ADAM11: variants seen among roughly 807,000 people sequenced by gnomAD.
The protein encoded by ADAM11 is disintegrin and metalloproteinase domain-containing protein 11.
Under a neutral mutation model 119.1 loss-of-function variants are expected in ADAM11, and 49 were observed. That is an observed-to-expected ratio of 0.41 (90% CI 0.33 to 0.52). The LOEUF (loss-of-function observed/expected upper bound fraction) is 0.52. Ranked by LOEUF, ADAM11 falls within the 20% of genes least tolerant of loss-of-function variation. The pLI is 0.20. For missense variants in ADAM11, 777 were observed against 1,047.5 expected (o/e 0.74, Z 3.56); for synonymous variants, 364 against 408.0 (o/e 0.89, Z 1.30).
In ADAM11 at chr17:44,775,943, C is replaced by A. The variant is rs2049595137; in HGVS notation, c.1486-184C>A. 6.6e-6 allele frequency among the ~76,000 whole-genome samples: 1 copy of A among 151,698 alleles called. No individual in the cohort carries two copies. The highest frequency in any genetic ancestry group is 2.1e-4 in the South Asian group (1 of 4,804). On this transcript the variant is annotated intron_variant, in intron 17 of 26. Transcript: ENST00000200557. This position sits in a 1 kb window ranked among gnomAD's most constrained non-coding sequence, Gnocchi z 7.5. ...GCGGGCTTGGGGGCGGTGCTGAGTG[C>A]GCTGGGAGCGAGGTGGGGAGCGTTC...
Position 44,776,058 on chromosome 17 carries a change from G to A in ADAM11, c.1486-69G>A. On this transcript the variant is annotated intron_variant, in intron 17 of 26. Transcript: ENST00000200557. This position sits in a 1 kb window ranked among gnomAD's most constrained non-coding sequence, Gnocchi z 5.2. ...CCGGGGATGTGGGGGTCCAGAGAGC[G>A]AGGGGCCTGGGGAGGGCAGGGCCGA... The A allele has an allele frequency of 6.4e-7, 1 of 1,570,746 alleles. No individual in the cohort carries two copies. Among genetic ancestry groups the A allele is most frequent in the Non-Finnish European group, 8.7e-7 (1 of 1,145,258 alleles).
rs2049664428 is a variant in ADAM11, at chr17:44,779,654, C to T, written c.2295-85C>T. ...TGACTTGCCGCCTGCCTCCAGGGCC[C>T]AGCACTGAGCTCCGGGGCCCTGCTG... On this transcript the variant is annotated intron_variant, in intron 26 of 26. Coordinates refer to ENST00000200557, the MANE Select transcript of ADAM11 (RefSeq NM_002390.6). The T allele has an allele frequency of 3.9e-6, 6 of 1,534,984 alleles. No homozygotes were observed. In the Admixed American group the frequency reaches 1.1e-4, roughly 29 times the overall value.
intron 26 of ADAM11, chr17:44,779,462 C>G (rs551115856): frequency 1.0e-6 from 1 of 985,434 alleles, no homozygotes; most frequent in South Asian, 4.7e-5. Flanking sequence ...CCACGTCCTT[C>G]TCGACTGCCC....
chr17:44,776,190 A>T lies in ADAM11; in HGVS notation c.1549A>T (p.Thr517Ser). The stretch of plus-strand genomic sequence containing the variant: ...CGAGTGCGACATCGCGGAGACCTGC[A>T]CCGGGGACTCTAGCCAGGTCCGCCC... ...VNECDIAETC[T>S]GDSSQCPPNL... The change falls in exon 18 of 27, where the codon ACC (threonine) becomes TCC (serine). Residue 517 changes from threonine to serine, a missense_variant. Physicochemically the swap from Thr to Ser is moderately conservative, Grantham distance 58. Around this residue, in one of 4 missense-constraint regions of ADAM11, gnomAD observed 348 missense variants for 486.7 expected, o/e 0.72. Coordinates refer to ENST00000200557, the MANE Select transcript of ADAM11 (RefSeq NM_002390.6). This position sits in a 1 kb window ranked among gnomAD's most constrained non-coding sequence, Gnocchi z 5.2. 1.9e-6 allele frequency: 3 copies of T among 1,613,410 alleles called. No homozygotes were observed. Among genetic ancestry groups the T allele is most frequent in the Non-Finnish European group, 2.5e-6 (3 of 1,179,932 alleles).
chr17:44,759,159 C>T lies in ADAM11; in HGVS notation c.-41C>T, dbSNP rs1242904685. 7.9e-6 allele frequency: 10 copies of T among 1,265,258 alleles called. No homozygotes were observed. The South Asian group carries it at 2.5e-4, about 31-fold the overall frequency. 78.4% of individuals were successfully genotyped at this position (1,265,258 alleles called of 1,614,324 possible). A position where few individuals can be genotyped will look rare whatever the true frequency, so the allele number is the denominator to read the frequency against. ...CCCTGCTCCCGCCCTCCCCGCGCCG[C>T]TGGCAGCCGCAGCCCCCGGACCGGG... On this transcript the variant is annotated 5_prime_UTR_variant, in exon 1 of 27. Transcript: ENST00000200557.
rs1401092259 is a variant in ADAM11, at chr17:44,769,710, C to A, written c.238-8C>A. 6.4e-7 allele frequency: 1 copy of A among 1,569,272 alleles called. No individual in the cohort carries two copies. Among genetic ancestry groups the A allele is most frequent in the Admixed American group, 1.7e-5 (1 of 59,968 alleles). On this transcript the variant is annotated splice_region_variant and splice_polypyrimidine_tract_variant and intron_variant, in intron 2 of 26. Transcript: ENST00000200557. ...GGTTGACTCCCCCTCTGCCCTCCCC[C>A]CACCCAGCCTGTCCATCTGGCCCAG...
At chr17:44,771,472 G>A (rs1378411924) in intron 4 of ADAM11, 112 bp from the exon 5 acceptor site, 9 of 1,093,402 alleles carry the variant, frequency 8.2e-6, no homozygotes, top group Non-Finnish European at 1.2e-5. Context: ...CATACCCAGG[G>A]ATTGTGGCCA....
At position 44,781,574 on chromosome 17, in the gene ADAM11, C is replaced by T. The variant is rs1028084364; in HGVS notation, c.*1820C>T. 1.3e-5 allele frequency: 2 copies of T among 152,336 alleles called. No homozygotes were observed. Among genetic ancestry groups the T allele is most frequent in the Admixed American group, 6.5e-5 (1 of 15,294 alleles). 9.4% of individuals were successfully genotyped at this position (152,336 alleles called of 1,614,324 possible). On this transcript the variant is annotated 3_prime_UTR_variant, in exon 27 of 27. Coordinates refer to ENST00000200557, the MANE Select transcript of ADAM11 (RefSeq NM_002390.6). ...CTGCACAAGTGTGAATACCTCTGCA[C>T]ATATGGGCGTATCTGTGTGTGCTCG...
intron 2 of ADAM11, among the ~76,000 whole-genome samples, chr17:44,766,870 G>A (rs1301455878): frequency 4.6e-5 from 7 of 152,246 alleles, no homozygotes; most frequent in Non-Finnish European, 1.0e-4. Flanking sequence ...GGCAGGGGCA[G>A]AAAGCAGGGC....
In ADAM11 at chr17:44,776,827, A is replaced by T; in HGVS notation, c.1617+32A>T. On this transcript the variant is annotated intron_variant, in intron 19 of 26. Transcript: ENST00000200557. This position sits in a 1 kb window ranked among gnomAD's most constrained non-coding sequence, Gnocchi z 5.2. The stretch of plus-strand genomic sequence containing the variant: ...TGGCTGCCCCCTGAGCCTGGGATTC[A>T]GGGCAGTCTCTTGTCTCCACTCTGA... The T allele has an allele frequency of 6.2e-7, 1 of 1,614,054 alleles. No individual in the cohort carries two copies. The highest frequency in any genetic ancestry group is 8.5e-7 in the Non-Finnish European group (1 of 1,179,954).
Position 44,769,775 on chromosome 17 carries a change from C to G in ADAM11, c.295C>G (p.Leu99Val), listed in dbSNP as rs746639823. 1.2e-6 allele frequency: 2 copies of G among 1,614,164 alleles called. No homozygotes were observed. Among genetic ancestry groups the G allele is most frequent in the Non-Finnish European group, 1.7e-6 (2 of 1,179,990 alleles). ...CCCAGCCTTCAACTCAAACTTCACC[C>G]TGGACCTGGAGCTGAACCAGTGAGT... ...VIPAFNSNFT[L>V]DLELNHHLLS... is the part of the protein sequence containing the mutation. The change falls in exon 3 of 27, where the codon CTG (leucine) becomes GTG (valine). Residue 99 changes from leucine to valine, a missense_variant. Leu to Val is a conservative substitution (Grantham distance 32). Coordinates refer to ENST00000200557, the MANE Select transcript of ADAM11 (RefSeq NM_002390.6).
chr17:44,770,310 G>A lies in ADAM11; in HGVS notation c.381+262G>A, dbSNP rs145644542. Among the ~76,000 whole-genome samples, 55 of 152,236 alleles carry A rather than the reference G, an allele frequency of 3.6e-4. No homozygotes were observed. In the East Asian group the frequency reaches 9.5e-3, roughly 26 times the overall value. ...CCACGTGGGGCCTACAGGGACACTC[G>A]TTCCGAGCAGGCTGCCAGGAATCCC... On this transcript the variant is annotated intron_variant, in intron 4 of 26. Coordinates refer to ENST00000200557, the MANE Select transcript of ADAM11 (RefSeq NM_002390.6).
At chr17:44,769,680 C>T (rs755906009) in intron 2 of ADAM11, 38 bp from the exon 3 acceptor site, 4 of 1,510,608 alleles carry the variant, frequency 2.6e-6, no homozygotes, top group Non-Finnish European at 3.7e-6. Flanking sequence ...CTTCAGGCCT[C>T]CCTGGGTTGA....
rs1259648614 is a variant in ADAM11 at position 44,777,765 on chromosome 17, A to G, written c.1972A>G (p.Asn658Asp). ...YVEDGTACGP[N>D]MLCLDHRCLP... ...GGAGGATGGCACAGCCTGCGGGCCT[A>G]ACATGTTGTGCCTGGACCATCGCTG... Residue 658 changes from asparagine to aspartate, a missense_variant, in exon 23 of 27, where the codon AAC (asparagine) becomes GAC (aspartate). Physicochemically the swap from Asn to Asp is conservative, Grantham distance 23 (BLOSUM62 1). Coordinates refer to ENST00000200557, the MANE Select transcript of ADAM11 (RefSeq NM_002390.6). The surrounding 1 kb of genome is among the most constrained non-coding windows in gnomAD (Gnocchi z 5.1). 1.2e-6 allele frequency: 2 copies of G among 1,613,916 alleles called. No individual in the cohort carries two copies. The highest frequency in any genetic ancestry group is 1.7e-5 in the Admixed American group (1 of 60,008).
chr17:44,780,336 A>T lies in ADAM11; in HGVS notation c.*582A>T, dbSNP rs1252011234. The T allele has an allele frequency of 2.8e-6, 1 of 355,790 alleles. No homozygotes were observed. The highest frequency in any genetic ancestry group is 2.2e-5 in the African/African-American group (1 of 46,476). The allele number at this position is 355,790 out of a possible 1,614,324, so 22.0% of individuals were successfully genotyped here. ...CCCTCCCCAAGGATGACCACACCCG[A>T]AGTCCTGTCACTGAGCACAGTCAGG... On this transcript the variant is annotated 3_prime_UTR_variant, in exon 27 of 27. Coordinates refer to ENST00000200557, the MANE Select transcript of ADAM11 (RefSeq NM_002390.6).
rs748637169 is a variant in ADAM11, at chr17:44,778,084, C to T, written c.2185+18C>T. ...ATATAAAGGTGAGGCTGGAGCTGGC[C>T]GAGGGGGGTCTGTCTGTCCTGCTCT... On this transcript the variant is annotated intron_variant, in intron 24 of 26. Transcript: ENST00000200557. 19 of 1,610,370 alleles carry T rather than the reference C, an allele frequency of 1.2e-5. No homozygotes were observed. The highest frequency in any genetic ancestry group is 8.8e-5 in the South Asian group (8 of 90,736).
intron 26 of ADAM11, 90 bp downstream of exon 26, chr17:44,779,329 C>G: frequency 6.7e-7 from 1 of 1,495,946 alleles, no homozygotes; most frequent in Non-Finnish European, 8.9e-7. Flanking sequence ...CGTCACCCCG[C>G]GTTCTGTTGA....
At position 44,765,610 on chromosome 17, in the gene ADAM11, C is replaced by CTTTTTTTTTTTTTTTTTT. The variant is rs748123040; in HGVS notation, c.238-4102_238-4085dup. Among the ~76,000 whole-genome samples, 7 of 99,876 alleles carry CTTTTTTTTTTTTTTTTTT rather than the reference C, an allele frequency of 7.0e-5. 1 individual carries two copies. The highest frequency in any genetic ancestry group is 8.0e-5 in the African/African-American group (2 of 25,140). 65.5% of individuals were successfully genotyped at this position (99,876 alleles called of 152,430 possible). A position where few individuals can be genotyped will look rare whatever the true frequency, so the allele number is the denominator to read the frequency against. On this transcript the variant is annotated intron_variant, in intron 2 of 26. Transcript: ENST00000200557. ...AATCCTGGTTTTTCTTTTCTTTTCT[C>CTTTTTTTTTTTTTTTTTT]TTTTTTTTTTTTTTTTTTTTTTTGT...
Position 44,773,434 on chromosome 17 carries a change from C to G in ADAM11, c.992+7C>G. 6.2e-7 allele frequency: 1 copy of G among 1,610,618 alleles called. No homozygotes were observed. The highest frequency in any genetic ancestry group is 2.2e-5 in the East Asian group (1 of 44,790). On this transcript the variant is annotated splice_region_variant and intron_variant, in intron 11 of 26. Transcript: ENST00000200557. This position sits in a 1 kb window ranked among gnomAD's most constrained non-coding sequence, Gnocchi z 4.6. ...ATGCCACCCACCTCTTCTCGTGAGT[C>G]CCCCACCCTGCACCTCCTGCCAGCC... is the stretch of plus-strand genomic sequence containing the variant.
Sources: allele counts gnomAD v4.1 joint callset (sites outside exome capture counted in the v4.1 genomes callset), GRCh38; gene constraint gnomAD v4.1.1; regional missense constraint gnomAD v4.1.1; non-coding constraint Gnocchi (gnomAD v3.1); transcripts MANE v1.5; gene names NCBI Gene and HGNC (gene_info 2026-07-23, HGNC 2026-07-21).